The following PIK3C2G variants were observed in gnomAD, a reference collection of about 807,000 sequenced individuals.
The protein encoded by PIK3C2G is phosphatidylinositol 3-kinase C2 domain-containing subunit gamma.
PIK3C2G carries 168 observed loss-of-function variants against 181.1 expected under a neutral mutation model. The observed-to-expected ratio is 0.93, with a 90% CI of 0.82 to 1.05. The LOEUF (loss-of-function observed/expected upper bound fraction) is 1.05, where lower values mean the gene tolerates loss of function less well. Ranked by LOEUF, PIK3C2G falls within the 50% of genes least tolerant of loss-of-function variation. The pLI is 0.00. For missense variants in PIK3C2G, 1,869 were observed against 1,732.8 expected, an observed-to-expected ratio of 1.08 and a Z score of -1.40; for synonymous variants, 573 against 592.2, an observed-to-expected ratio of 0.97 and a Z score of 0.47.
At chr12:18,649,098 A>G (rs1435617695), downstream of PIK3C2G, among the ~76,000 whole-genome samples, 1 of 152,024 alleles carries the variant, frequency 6.6e-6, no homozygotes, top group Admixed American at 6.6e-5. Context: ...TTAATTCTGT[A>G]TGTTCTTAGT....
At chr12:18,673,441 A>G in the PIK3C2G span, among the ~76,000 whole-genome samples, 6 of 152,152 alleles carry the variant, frequency 3.9e-5, no homozygotes, top group Admixed American at 2.0e-4. Context: ...TACATCCATT[A>G]TGGAATTCTA....
At chr12:18,253,676 G>A (rs541799444) in intron 1 of PIK3C2G, among the ~76,000 whole-genome samples, 3 of 152,094 alleles carry the variant, frequency 2.0e-5, no homozygotes, top group South Asian at 2.1e-4. Flanking sequence ...GAGTTGTAGC[G>A]CAATGAAACT....
At chr12:18,434,954 C>T (rs1946368964) in intron 18 of PIK3C2G, among the ~76,000 whole-genome samples, 1 of 150,642 alleles carries the variant, frequency 6.6e-6, no homozygotes, top group African/African-American at 2.4e-5. Context: ...CAAATAATTC[C>T]AAGAGATTTA....
chr12:18,440,832 T>A (rs9634065), intron 18 of PIK3C2G, among the ~76,000 whole-genome samples: 18,979 of 152,046 alleles, frequency 0.12, 1,244 homozygotes, highest in African/African-American at 0.15. Flanking sequence ...TTGGCTTATA[T>A]TATCAAGAGA....
intron 11 of PIK3C2G, among the ~76,000 whole-genome samples, chr12:18,356,213 G>A (rs1940711137): frequency 6.6e-6 from 1 of 152,202 alleles, no homozygotes; most frequent in Admixed American, 6.5e-5. Flanking sequence ...GACAAGGAGA[G>A]ATAAATCCAC....
intron 18 of PIK3C2G, among the ~76,000 whole-genome samples, chr12:18,463,161 G>A (rs1358088526): frequency 6.6e-6 from 1 of 152,060 alleles, no homozygotes; most frequent in East Asian, 1.9e-4. Flanking sequence ...TTGTTTCAGA[G>A]TCATCAGATT....
In PIK3C2G at chr12:18,622,813, AT is replaced by A. The variant is rs568863577; in HGVS notation, c.4182+13191del. Among the ~76,000 whole-genome samples, 7 of 151,604 alleles carry A rather than the reference AT, an allele frequency of 4.6e-5. No homozygotes were observed. The South Asian group carries it at 1.5e-3, about 32-fold the overall frequency. On this transcript the variant is annotated intron_variant, in intron 31 of 32. Coordinates refer to ENST00000538779, the MANE Select transcript of PIK3C2G (RefSeq NM_001288772.2). ...TGCCTAATAATTAGTGATGTTGAGCATTTTTTTCATGTATCTGTTAGCCATT... is the reference window on the plus strand; with the variant it reads ...TGCCTAATAATTAGTGATGTTGAGCATTTTTTCATGTATCTGTTAGCCATT...
chr12:18,430,483 T>G (rs2135755964), intron 18 of PIK3C2G, among the ~76,000 whole-genome samples: 1 of 152,354 alleles, frequency 6.6e-6, no homozygotes, highest in East Asian at 1.9e-4. Flanking sequence ...TTTTTCTGCT[T>G]TATTCACTGA....
chr12:18,470,122 A>G (rs1938318366), intron 18 of PIK3C2G, among the ~76,000 whole-genome samples: 1 of 152,070 alleles, frequency 6.6e-6, no homozygotes. Context: ...CTGCCAATTT[A>G]AGGCATAATA....
At chr12:18,455,622 G>T (rs1042686408) in intron 18 of PIK3C2G, among the ~76,000 whole-genome samples, 6 of 152,034 alleles carry the variant, frequency 3.9e-5, no homozygotes, top group African/African-American at 1.4e-4. Flanking sequence ...CCAAGATCAA[G>T]GTACCAGCAG....
intron 13 of PIK3C2G, among the ~76,000 whole-genome samples, chr12:18,379,774 C>T (rs1259629190): frequency 6.6e-6 from 1 of 152,180 alleles, no homozygotes; most frequent in African/African-American, 2.4e-5. Context: ...CTCTCACAGG[C>T]ACCATAGACC....
intron 18 of PIK3C2G, among the ~76,000 whole-genome samples, chr12:18,444,405 C>T (rs1170762432): frequency 1.3e-5 from 2 of 152,158 alleles, no homozygotes; most frequent in Non-Finnish European, 2.9e-5. Context: ...CGAATTCTCA[C>T]ACTTAGCCTA....
Position 18,371,305 on chromosome 12 carries a change from CA to C in PIK3C2G, c.1878del (p.Glu627LysfsTer12). On this transcript the variant is annotated frameshift_variant, in exon 13 of 33. Transcript: ENST00000538779. LOFTEE classifies it high-confidence loss of function. ...LLAWTCLPLF[P>X]KEKSILGSML... is the part of the protein sequence containing the mutation. ...GCGTGGACTTGTCTTCCACTGTTTC[CA>C]AAAGAGTAAGTGTATCAATTGTGAG... is the stretch of plus-strand genomic sequence containing the variant. 1 of 1,606,558 alleles carries C rather than the reference CA, an allele frequency of 6.2e-7. No homozygotes were observed. Among genetic ancestry groups the C allele is most frequent in the East Asian group, 2.2e-5 (1 of 44,612 alleles).
chr12:18,646,615 C>G (rs1950149198), intron 32 of PIK3C2G, among the ~76,000 whole-genome samples: 1 of 152,102 alleles, frequency 6.6e-6, no homozygotes, highest in Non-Finnish European at 1.5e-5. Flanking sequence ...GCTGCCCTCT[C>G]AAGTTGTCTC....
At chr12:18,459,280 A>G (rs1425138786) in intron 18 of PIK3C2G, among the ~76,000 whole-genome samples, 1 of 152,210 alleles carries the variant, frequency 6.6e-6, no homozygotes, top group African/African-American at 2.4e-5. Context: ...TAGAAGAGCA[A>G]GCATTTGGCA....
At chr12:18,330,056 T>C (rs1937766008) in intron 8 of PIK3C2G, among the ~76,000 whole-genome samples, 1 of 152,070 alleles carries the variant, frequency 6.6e-6, no homozygotes, top group Non-Finnish European at 1.5e-5. Flanking sequence ...TTTATGGGAG[T>C]TCTTTATATA....
At chr12:18,642,290 A>G (rs1949883404) in intron 32 of PIK3C2G, among the ~76,000 whole-genome samples, 1 of 152,184 alleles carries the variant, frequency 6.6e-6, no homozygotes, top group Non-Finnish European at 1.5e-5. Flanking sequence ...TTTTTAATAA[A>G]ATGTGATGTT....
chr12:18,704,904 G>A, the PIK3C2G span, among the ~76,000 whole-genome samples: 4 of 151,940 alleles, frequency 2.6e-5, no homozygotes, highest in East Asian at 5.8e-4. Context: ...AATACTAATT[G>A]CTTTGATATT....
At chr12:18,407,629 A>G (rs1348847082) in intron 16 of PIK3C2G, among the ~76,000 whole-genome samples, 2 of 152,190 alleles carry the variant, frequency 1.3e-5, no homozygotes, top group South Asian at 2.1e-4. Context: ...AACAGTTGTT[A>G]TCACAACTCT....
Sources: gnomAD v4.1 joint callset for allele counts (sites outside exome capture counted in the v4.1 genomes callset) on GRCh38, gnomAD v4.1.1 for gene constraint, MANE v1.5 for transcripts, NCBI Gene and HGNC (gene_info 2026-07-23, HGNC 2026-07-21) for gene names.